LRRC27: variants seen among roughly 807,000 people sequenced by gnomAD.
LRRC27 encodes leucine rich repeat containing 27.
Under a neutral mutation model 55.0 loss-of-function variants are expected in LRRC27, and 57 were observed. The observed-to-expected ratio is 1.04, with a 90% CI of 0.84 to 1.29. LRRC27 has a LOEUF of 1.29. Among genes scored for constraint, LRRC27 ranks in the 50% most tolerant of loss-of-function variants. The pLI, the probability that LRRC27 is intolerant of heterozygous loss-of-function variation, is 0.00. For synonymous variants in LRRC27, 278 were observed against 251.9 expected, an observed-to-expected ratio of 1.10 and a Z score of -0.98; for missense variants, 721 against 651.5, an observed-to-expected ratio of 1.11 and a Z score of -1.16.
rs2068616634 is a variant in LRRC27, at chr10:132,361,585, T to C, written c.1289+10T>C. The C allele has an allele frequency of 6.3e-7, 1 of 1,588,558 alleles. No homozygotes were observed. The highest frequency in any genetic ancestry group is 1.7e-5 in the Admixed American group (1 of 59,924). The stretch of plus-strand genomic sequence containing the variant: ...CAAGTAAAGAAATGAGGTTGGTAAC[T>C]GCAACTGGCACTCAGTCCTTCCAGG... On this transcript the variant is annotated intron_variant, in intron 9 of 10. Coordinates refer to ENST00000368614, the MANE Select transcript of LRRC27 (RefSeq NM_030626.3).
intron 6 of LRRC27, chr10:132,349,052 T>C (rs1369568667): frequency 5.6e-6 from 9 of 1,604,122 alleles, no homozygotes; most frequent in African/African-American, 2.7e-5. Context: ...CCTACACATA[T>C]GGGAGGTATG....
At chr10:132,373,697 A>G (rs2069271771) in intron 10 of LRRC27, among the ~76,000 whole-genome samples, 1 of 152,194 alleles carries the variant, frequency 6.6e-6, no homozygotes, top group African/African-American at 2.4e-5. Flanking sequence ...ATGCTGAGAG[A>G]GGAAGGTAAG....
chr10:132,338,909 C>A (rs2067258292), intron 3 of LRRC27, among the ~76,000 whole-genome samples: 1 of 152,110 alleles, frequency 6.6e-6, no homozygotes, highest in African/African-American at 2.4e-5. Context: ...GGGGTTTTGC[C>A]ATGTTGGACA....
intron 10 of LRRC27, among the ~76,000 whole-genome samples, chr10:132,367,227 A>G (rs2069117170): frequency 6.6e-6 from 1 of 152,248 alleles, no homozygotes; most frequent in South Asian, 2.1e-4. Context: ...GCTTGTATCT[A>G]TTACAGGAAT....
chr10:132,346,628 G>C (rs952229820), intron 5 of LRRC27, among the ~76,000 whole-genome samples: 1 of 152,212 alleles, frequency 6.6e-6, no homozygotes, highest in African/African-American at 2.4e-5. Flanking sequence ...TGGTGTCACT[G>C]CACTCCAGCC....
At chr10:132,353,867 C>T (rs1457878843) in intron 7 of LRRC27, among the ~76,000 whole-genome samples, 2 of 152,248 alleles carry the variant, frequency 1.3e-5, no homozygotes, top group Non-Finnish European at 1.5e-5. Context: ...CTGCCCTCCC[C>T]TCACTGTGTG....
At chr10:132,333,133 G>A (rs1174575715) in intron 1 of LRRC27, among the ~76,000 whole-genome samples, 1 of 152,066 alleles carries the variant, frequency 6.6e-6, no homozygotes, top group African/African-American at 2.4e-5. Flanking sequence ...ATTTCCACCC[G>A]CCCCTAGTCA....
chr10:132,338,029 A>G (rs2067216020), intron 3 of LRRC27, among the ~76,000 whole-genome samples: 3 of 152,318 alleles, frequency 2.0e-5, no homozygotes, highest in Middle Eastern at 6.8e-3. Flanking sequence ...TAAACCAGCA[A>G]CTTTGGCCAG....
intron 7 of LRRC27, chr10:132,352,998 C>T (rs775938525): frequency 1.4e-5 from 23 of 1,610,596 alleles, no homozygotes; most frequent in Admixed American, 5.1e-5. Flanking sequence ...GTGTGTTGGC[C>T]GATGGACTCG....
At position 132,355,848 on chromosome 10, in the gene LRRC27, G is replaced by A. The variant is rs1017450640; in HGVS notation, c.1132G>A (p.Glu378Lys). The change falls in exon 8 of 11, where the codon GAA becomes AAA. Residue 378 changes from glutamate (E) to lysine (K), a missense_variant. Glu to Lys is a moderately conservative substitution (Grantham distance 56). Coordinates refer to ENST00000368614, the MANE Select transcript of LRRC27 (RefSeq NM_030626.3). ...ERAQRMRKRK[E>K]ELSKLLPPRR... The stretch of plus-strand genomic sequence containing the variant: ...AGCCCAGAGGATGAGGAAGAGGAAG[G>A]AAGAGCTCAGCAAACTCCTGCCTCC... 30 of 1,558,770 alleles carry A rather than the reference G, an allele frequency of 1.9e-5. No homozygotes were observed. The South Asian group carries it at 2.8e-4, about 15-fold the overall frequency.
chr10:132,363,944 A>G (rs1338888049), intron 9 of LRRC27, among the ~76,000 whole-genome samples: 1 of 152,084 alleles, frequency 6.6e-6, no homozygotes, highest in African/African-American at 2.4e-5. Flanking sequence ...CAACCTCGTG[A>G]AAATGGCTTA....
upstream of LRRC27, chr10:132,332,144 G>A (rs7070738): frequency 0.014 from 2,497 of 172,988 alleles, 47 homozygotes; most frequent in South Asian, 0.042. Flanking sequence ...GCGCCTGCGG[G>A]ATTCCGTACC....
At chr10:132,358,751 G>A (rs1194472323) in intron 8 of LRRC27, among the ~76,000 whole-genome samples, 78 of 75,302 alleles carry the variant, frequency 1.0e-3, no homozygotes, top group African/African-American at 3.8e-3. Flanking sequence ...GGGAGGAGCC[G>A]AGGTGATGGA....
rs367889692 is a variant in LRRC27 at position 132,336,219 on chromosome 10, G to GC, written c.211-1346_211-1345insC. On this transcript the variant is annotated intron_variant, in intron 2 of 10. Coordinates refer to ENST00000368614, the MANE Select transcript of LRRC27 (RefSeq NM_030626.3). ...GAGCACTGGAATCAGCTTGCCCTGG[G>GC]GGGGGAAGAACAGGACCAAGAAGTG... Among the ~76,000 whole-genome samples, 310 of 152,294 alleles carry GC rather than the reference G, an allele frequency of 2.0e-3. 1 individual carries two copies. Among genetic ancestry groups the GC allele is most frequent in the African/African-American group, 7.1e-3 (295 of 41,540 alleles).
At chr10:132,338,491 C>T (rs61038826) in intron 3 of LRRC27, among the ~76,000 whole-genome samples, 12,736 of 152,120 alleles carry the variant, frequency 0.084, 664 homozygotes, top group African/African-American at 0.15. Flanking sequence ...AGTTTCCTTG[C>T]ATTCCCACTT....
In LRRC27 at chr10:132,352,794, C is replaced by T. The variant is rs1028145537; in HGVS notation, c.1073+1041C>T. On this transcript the variant is annotated intron_variant, in intron 7 of 10. Transcript: ENST00000368614. ...ACAGGCCGGTTGCAGTGCTCGCGGTCGCCCCCTTGTGTCCGTCTTTGCCCT... is the reference window on the plus strand; with the variant it reads ...ACAGGCCGGTTGCAGTGCTCGCGGTTGCCCCCTTGTGTCCGTCTTTGCCCT... 24 of 1,449,688 alleles carry T rather than the reference C, an allele frequency of 1.7e-5. No individual in the cohort carries two copies. In the African/African-American group the frequency reaches 2.1e-4, roughly 13 times the overall value. The allele number at this position is 1,449,688 out of a possible 1,614,324, so 89.8% of individuals were successfully genotyped here.
chr10:132,359,801 T>C (rs2068524401), intron 8 of LRRC27, among the ~76,000 whole-genome samples: 1 of 152,268 alleles, frequency 6.6e-6, no homozygotes, highest in Non-Finnish European at 1.5e-5. Context: ...CAGCCATGAC[T>C]TGAGCCCATA....
At chr10:132,342,109 T>C in intron 3 of LRRC27, 104 bp from the exon 4 acceptor site, 1 of 686,398 alleles carries the variant, frequency 1.5e-6, no homozygotes, top group Non-Finnish European at 2.4e-6. Context: ...TGTATTGAAG[T>C]TGCCCCTGAA....
At chr10:132,361,436 C>A in intron 8 of LRRC27, 21 bp from the exon 9 acceptor site, 1 of 1,557,564 alleles carries the variant, frequency 6.4e-7, no homozygotes, top group Non-Finnish European at 8.9e-7. Context: ...TTCCAGAAAT[C>A]ATCTTGTTGC....
Sources: allele counts gnomAD v4.1 joint callset (sites outside exome capture counted in the v4.1 genomes callset), GRCh38; gene constraint gnomAD v4.1.1; transcripts MANE v1.5; gene names NCBI Gene and HGNC (gene_info 2026-07-23, HGNC 2026-07-21).